TRAM2: variants seen among roughly 807,000 people sequenced by gnomAD.
The protein encoded by TRAM2 is translocating chain-associated membrane protein 2.
A neutral mutation model predicts 51.0 loss-of-function variants in TRAM2; 12 were observed. The observed-to-expected ratio is 0.24, with a 90% confidence interval of 0.15 to 0.38. TRAM2 has a LOEUF of 0.38. TRAM2 is among the 10% of genes least tolerant of loss of function. The probability of loss-of-function intolerance (pLI) is 1.00; values close to 1 mark genes in which losing one functional copy is unlikely to be tolerated. For missense variants in TRAM2, 361 were observed against 462.0 expected, an observed-to-expected ratio of 0.78 and a Z score of 2.00; for synonymous variants, 175 against 179.4, an observed-to-expected ratio of 0.98 and a Z score of 0.20.
At chr6:52,506,194 C>G in intron 7 of TRAM2, 58 bp from the exon 8 acceptor site, 1 of 1,512,518 alleles carries the variant, frequency 6.6e-7, no homozygotes, top group Non-Finnish European at 9.1e-7. Flanking sequence ...GGAGCAGAAG[C>G]CATTGCATCT....
chr6:52,550,405 A>G (rs1767286633), intron 1 of TRAM2, among the ~76,000 whole-genome samples: 1 of 152,172 alleles, frequency 6.6e-6, no homozygotes, highest in Non-Finnish European at 1.5e-5. Flanking sequence ...TAGTGCCTAC[A>G]TAACCATTCC....
At chr6:52,530,236 A>G (rs1766861260) in intron 2 of TRAM2, among the ~76,000 whole-genome samples, 1 of 152,228 alleles carries the variant, frequency 6.6e-6, no homozygotes, top group Non-Finnish European at 1.5e-5. Context: ...TTCCTGCTTC[A>G]TCACTGTTGT....
chr6:52,520,079 C>T (rs770001679), intron 2 of TRAM2, among the ~76,000 whole-genome samples: 1 of 152,058 alleles, frequency 6.6e-6, no homozygotes, highest in Non-Finnish European at 1.5e-5. Flanking sequence ...TGTATAATAA[C>T]GTGAATGTAC....
At chr6:52,546,151 G>A (rs1291019967) in intron 1 of TRAM2, among the ~76,000 whole-genome samples, 1 of 152,162 alleles carries the variant, frequency 6.6e-6, no homozygotes, top group Non-Finnish European at 1.5e-5. Flanking sequence ...GAGGCAAACA[G>A]GAGGCAGGAA....
intron 4 of TRAM2, 129 bp downstream of exon 4, chr6:52,515,877 A>T: frequency 1.3e-6 from 1 of 763,310 alleles, no homozygotes; most frequent in South Asian, 1.7e-5. Context: ...GTTCTAAGAA[A>T]CTTGTTCCCC....
At chr6:52,543,538 C>T (rs1295454189) in intron 1 of TRAM2, among the ~76,000 whole-genome samples, 1 of 152,028 alleles carries the variant, frequency 6.6e-6, no homozygotes, top group African/African-American at 2.4e-5. Flanking sequence ...AAAATAATAA[C>T]ATAAAAAAGA....
chr6:52,504,711 T>C lies in TRAM2; in HGVS notation c.919A>G (p.Met307Val). The C allele has an allele frequency of 1.2e-6, 2 of 1,611,822 alleles. No individual in the cohort carries two copies. The highest frequency in any genetic ancestry group is 8.5e-7 in the Non-Finnish European group (1 of 1,179,414). ...AGCTGGGAGTGGATGAAGCGCCACA[T>C]GAGCCAGGCCTGGGCGGCACACACC... ...LLVCAAQAWL[M>V]WRFIHSQLRH... The change falls in exon 10 of 11, where the codon ATG becomes GTG. Residue 307 changes from methionine (M) to valine (V), a missense_variant. By Grantham distance (21) the Met-to-Val change is conservative. Coordinates refer to ENST00000182527, the MANE Select transcript of TRAM2 (RefSeq NM_012288.4).
intron 1 of TRAM2, among the ~76,000 whole-genome samples, chr6:52,565,029 A>G (rs1202329568): frequency 6.6e-6 from 1 of 152,162 alleles, no homozygotes; most frequent in Non-Finnish European, 1.5e-5. Context: ...TTGGTCTGCA[A>G]TGAGGGTCAG....
At chr6:52,505,500 G>A in intron 9 of TRAM2, 99 bp downstream of exon 9, 1 of 1,453,050 alleles carries the variant, frequency 6.9e-7, no homozygotes, top group Non-Finnish European at 9.2e-7. Flanking sequence ...AACAATATGT[G>A]GGAGACTAAA....
At chr6:52,520,106 G>A (rs1766641240) in intron 2 of TRAM2, among the ~76,000 whole-genome samples, 1 of 152,210 alleles carries the variant, frequency 6.6e-6, no homozygotes, top group Non-Finnish European at 1.5e-5. Flanking sequence ...ATACTGAACT[G>A]TACATTTAGA....
At chr6:52,513,752 G>C (rs565726904) in intron 4 of TRAM2, among the ~76,000 whole-genome samples, 2 of 152,272 alleles carry the variant, frequency 1.3e-5, no homozygotes, top group East Asian at 3.9e-4. Context: ...AGGAAAAAAC[G>C]ATTTCACTGC....
At chr6:52,520,782 G>A (rs1431738780) in intron 2 of TRAM2, among the ~76,000 whole-genome samples, 1 of 152,114 alleles carries the variant, frequency 6.6e-6, no homozygotes, top group Non-Finnish European at 1.5e-5. Context: ...TCCATTTCTG[G>A]TAATATACCA....
At chr6:52,531,753 G>A (rs760930671) in intron 2 of TRAM2, among the ~76,000 whole-genome samples, 34 of 152,230 alleles carry the variant, frequency 2.2e-4, no homozygotes, top group Non-Finnish European at 3.8e-4. Flanking sequence ...ATCTTCTGTC[G>A]CCACCCCTTT....
In TRAM2 at chr6:52,499,009, G is replaced by A. The variant is rs1766149236; in HGVS notation, c.*4188C>T. On this transcript the variant is annotated 3_prime_UTR_variant, in exon 11 of 11. Transcript: ENST00000182527. ...TCGTCTTTATAGCTCTGCCACTCCA[G>A]GGAACTCCATAAAAGAATGAGGCAG... The A allele has an allele frequency of 6.6e-6, 1 of 152,410 alleles. No homozygotes were observed. The highest frequency in any genetic ancestry group is 2.1e-4 in the South Asian group (1 of 4,830). 9.4% of individuals were successfully genotyped at this position (152,410 alleles called of 1,614,324 possible). A position where few individuals can be genotyped will look rare whatever the true frequency, so the allele number is the denominator to read the frequency against.
intron 1 of TRAM2, among the ~76,000 whole-genome samples, chr6:52,572,960 T>C (rs1290362866): frequency 6.6e-6 from 1 of 152,036 alleles, no homozygotes; most frequent in Non-Finnish European, 1.5e-5. Context: ...CACCAAGAAC[T>C]CCTCTGGGTC....
At chr6:52,519,810 T>TAAA (rs541387664) in intron 2 of TRAM2, among the ~76,000 whole-genome samples, 1 of 145,566 alleles carries the variant, frequency 6.9e-6, no homozygotes, top group Non-Finnish European at 1.5e-5. Flanking sequence ...GATTCAGCCT[T>TAAA]AAAAAAAAAA....
intron 1 of TRAM2, among the ~76,000 whole-genome samples, chr6:52,557,513 T>A (rs1197205394): frequency 6.6e-6 from 1 of 152,228 alleles, no homozygotes; most frequent in Non-Finnish European, 1.5e-5. Flanking sequence ...TCATGTTATC[T>A]AGTTAAGTAC....
intron 8 of TRAM2, 46 bp from the exon 9 acceptor site, chr6:52,505,788 A>G: frequency 6.4e-7 from 1 of 1,557,298 alleles, no homozygotes; most frequent in Non-Finnish European, 8.7e-7. Context: ...AGCGCCCTTG[A>G]AGGAATCTTC....
At chr6:52,555,644 A>G (rs1365829777) in intron 1 of TRAM2, among the ~76,000 whole-genome samples, 8 of 152,198 alleles carry the variant, frequency 5.3e-5, no homozygotes, top group Admixed American at 5.2e-4. Flanking sequence ...ACATCATTCT[A>G]TGACACTGCA....
Sources: allele counts gnomAD v4.1 joint callset (sites outside exome capture counted in the v4.1 genomes callset), GRCh38; gene constraint gnomAD v4.1.1; transcripts MANE v1.5; gene names NCBI Gene and HGNC (gene_info 2026-07-23, HGNC 2026-07-21).